IK: variants seen among roughly 807,000 people sequenced by gnomAD.
IK encodes IK cytokine, also known as protein Red.
A neutral mutation model predicts 90.9 loss-of-function variants in IK; 47 were observed. That is an observed-to-expected ratio of 0.52 (90% CI 0.41 to 0.66). The LOEUF (loss-of-function observed/expected upper bound fraction) is 0.66. Among genes scored for constraint, IK ranks in the 30% least tolerant of loss-of-function variants. The pLI is 0.00. For missense variants in IK, 385 were observed against 709.3 expected (o/e 0.54, Z 5.19); for synonymous variants, 201 against 227.5 (o/e 0.88, Z 1.05).
intron 3 of IK, 137 bp from the exon 4 acceptor site, chr5:140,651,951 G>GAT: frequency 2.4e-6 from 2 of 831,900 alleles, no homozygotes; most frequent in East Asian, 5.0e-5. Flanking sequence ...TACAAATATT[G>GAT]GTGTGGATTT....
At chr5:140,656,483 C>T (rs1757711849) in intron 9 of IK, among the ~76,000 whole-genome samples, 2 of 152,208 alleles carry the variant, frequency 1.3e-5, no homozygotes, top group African/African-American at 4.8e-5. Context: ...CTGCGCCAGT[C>T]CTCTGGAGCT....
At chr5:140,648,431 G>T (rs993784776) in intron 1 of IK, 40 bp from the exon 2 acceptor site, 3 of 1,596,646 alleles carry the variant, frequency 1.9e-6, no homozygotes, top group South Asian at 2.2e-5. Context: ...GATCTGACAC[G>T]TAAGAGACTG....
Position 140,661,330 on chromosome 5 carries a change from G to T in IK, c.1414-290G>T. The T allele has an allele frequency of 2.7e-6, 1 of 376,430 alleles. No individual in the cohort carries two copies. Among genetic ancestry groups the T allele is most frequent in the Non-Finnish European group, 4.8e-6 (1 of 207,692 alleles). 23.3% of individuals were successfully genotyped at this position (376,430 alleles called of 1,614,324 possible). ...TACTGTTTATTAGTTTTGTGAACTT[G>T]CCAAGTTCTTTCACTGTTTATGCCT... On this transcript the variant is annotated intron_variant, in intron 16 of 19. Transcript: ENST00000417647. This position sits in a 1 kb window ranked among gnomAD's most constrained non-coding sequence, Gnocchi z 4.2.
Position 140,661,270 on chromosome 5 carries a change from TG to T in IK, c.1414-348del. 1 of 280,768 alleles carries T rather than the reference TG, an allele frequency of 3.6e-6. No homozygotes were observed. The highest frequency in any genetic ancestry group is 6.7e-6 in the Non-Finnish European group (1 of 149,668). 17.4% of individuals were successfully genotyped at this position (280,768 alleles called of 1,614,324 possible). On this transcript the variant is annotated intron_variant, in intron 16 of 19. Coordinates refer to ENST00000417647, the MANE Select transcript of IK (RefSeq NM_006083.4). The surrounding 1 kb of genome is among the most constrained non-coding windows in gnomAD (Gnocchi z 4.2). ...CTGAGTTCACTGTATTGAAATAGCA[TG>T]GTTTAATCTTGGAGCCTTGTTTAAT...
intron 5 of IK, among the ~76,000 whole-genome samples, chr5:140,653,581 C>G (rs1415402688): frequency 1.5e-5 from 1 of 64,806 alleles, no homozygotes; most frequent in Non-Finnish European, 3.1e-5. Flanking sequence ...CCGCACCTGG[C>G]CCCCCAACCC....
intron 1 of IK, 94 bp downstream of exon 1, chr5:140,648,018 G>A: frequency 1.1e-6 from 1 of 907,290 alleles, no homozygotes; most frequent in African/African-American, 1.9e-5. Context: ...GTGTGTGTGT[G>A]TGTGTGTGTG....
At chr5:140,653,249 C>T (rs370649835) in intron 5 of IK, 105 bp downstream of exon 5, 10 of 944,482 alleles carry the variant, frequency 1.1e-5, no homozygotes, top group African/African-American at 5.0e-5. Flanking sequence ...CTACAATAAG[C>T]GATTTCAGAG....
At position 140,659,133 on chromosome 5, in the gene IK, G is replaced by A. The variant is rs1368107787; in HGVS notation, c.1145G>A (p.Ser382Asn). ...AGAGAAGAGGAAAAGAAGAGACACA[G>A]CTACTTTGAGAAGCCAAAAGTAGAT... ...REREEEKKRHSYFEKPKVDDE... is the reference protein window; with the variant it reads ...REREEEKKRHNYFEKPKVDDE... The change falls in exon 12 of 20, where the codon AGC becomes AAC. Residue 382 changes from serine to asparagine, a missense_variant. This residue lies in a region of IK where 139 missense variants were observed against 172.0 expected (regional missense o/e 0.81). Coordinates refer to ENST00000417647, the MANE Select transcript of IK (RefSeq NM_006083.4). 13 of 1,595,170 alleles carry A rather than the reference G, an allele frequency of 8.1e-6. No individual in the cohort carries two copies. Among genetic ancestry groups the A allele is most frequent in the Admixed American group, 3.6e-5 (2 of 55,416 alleles).
chr5:140,648,215 G>A, intron 1 of IK: 1 of 703,950 alleles, frequency 1.4e-6, no homozygotes, highest in East Asian at 2.7e-5. Flanking sequence ...CCTGGGTTGC[G>A]CGTATTTATC....
intron 2 of IK, 139 bp from the exon 3 acceptor site, chr5:140,651,574 TC>T: frequency 1.8e-6 from 1 of 542,434 alleles, no homozygotes; most frequent in Admixed American, 3.4e-5. Flanking sequence ...AGACTCCGTC[TC>T]AAAAAAAAAA....
In IK at chr5:140,661,417, T is replaced by G. The variant is rs1757801532; in HGVS notation, c.1414-203T>G. On this transcript the variant is annotated intron_variant, in intron 16 of 19. Transcript: ENST00000417647. The surrounding 1 kb of genome is among the most constrained non-coding windows in gnomAD (Gnocchi z 4.2). ...TCCCTCTTCATAGATTTTATGAGAA[T>G]TAAGTGAGATATGCATTTAGTGTAC... is the stretch of plus-strand genomic sequence containing the variant. 3 of 543,922 alleles carry G rather than the reference T, an allele frequency of 5.5e-6. No individual in the cohort carries two copies. Among genetic ancestry groups the G allele is most frequent in the Non-Finnish European group, 9.9e-6 (3 of 303,484 alleles). The allele number at this position is 543,922 out of a possible 1,614,324, so 33.7% of individuals were successfully genotyped here. A position where few individuals can be genotyped will look rare whatever the true frequency, so the allele number is the denominator to read the frequency against.
intron 9 of IK, among the ~76,000 whole-genome samples, 191 bp downstream of exon 9, chr5:140,656,183 C>T (rs1415166959): frequency 1.3e-5 from 2 of 152,282 alleles, no homozygotes; most frequent in East Asian, 3.9e-4. Context: ...TAATCATTTG[C>T]TGGAACTATT....
intron 5 of IK, among the ~76,000 whole-genome samples, chr5:140,653,619 T>C (rs1757655255): frequency 6.8e-6 from 1 of 147,750 alleles, no homozygotes; most frequent in African/African-American, 2.5e-5. Context: ...TTTTTTTTTT[T>C]TGGAGACAGA....
chr5:140,661,635 C>T lies in IK; in HGVS notation c.1429C>T (p.Pro477Ser), dbSNP rs1757803820. The change falls in exon 17 of 20, where the codon CCC becomes TCC. Residue 477 changes from proline (P) to serine (S), a missense_variant. Coordinates refer to ENST00000417647, the MANE Select transcript of IK (RefSeq NM_006083.4). The surrounding 1 kb of genome is among the most constrained non-coding windows in gnomAD (Gnocchi z 4.2). ...SKMDQGNKKG[P>S]LGRWDFDTQE... ...CCTGCAACAGGGTAACAAGAAGGGG[C>T]CCTTAGGCCGTTGGGACTTTGATAC... 6.2e-7 allele frequency: 1 copy of T among 1,607,782 alleles called. No individual in the cohort carries two copies. The highest frequency in any genetic ancestry group is 8.5e-7 in the Non-Finnish European group (1 of 1,176,840).
intron 1 of IK, 118 bp downstream of exon 1, chr5:140,648,042 G>GTGTGTGTGTGTGTGTGTGTGTGTGTA: frequency 2.1e-6 from 1 of 471,368 alleles, no homozygotes; most frequent in Non-Finnish European, 3.3e-6. Context: ...GTGTGTGTGT[G>GTGTGTGTGTGTGTGTGTGTGTGTGTA]TGTATGTATG....
chr5:140,654,707 T>C lies in IK; in HGVS notation c.617T>C (p.Ile206Thr), dbSNP rs377695058. 2.5e-6 allele frequency: 4 copies of C among 1,604,160 alleles called. No homozygotes were observed. The highest frequency in any genetic ancestry group is 1.1e-5 in the South Asian group (1 of 89,884). Residue 206 changes from isoleucine to threonine, a missense_variant, in exon 8 of 20, where the codon ATT becomes ACT. Coordinates refer to ENST00000417647, the MANE Select transcript of IK (RefSeq NM_006083.4). ...AAAGATGAGGATCCTGAAAATAAAATTGAATTTAAAACACGTCTGGGTGAG... is the reference window on the plus strand; with the variant it reads ...AAAGATGAGGATCCTGAAAATAAAACTGAATTTAAAACACGTCTGGGTGAG... ...TKKDEDPENK[I>T]EFKTRLGRNV...
chr5:140,655,610 A>G (rs757096183), intron 8 of IK, among the ~76,000 whole-genome samples: 1 of 152,228 alleles, frequency 6.6e-6, no homozygotes, highest in East Asian at 1.9e-4. Context: ...TTGCTCCATT[A>G]CTTAGTAGAT....
intron 2 of IK, among the ~76,000 whole-genome samples, chr5:140,650,228 T>C (rs1376877292): frequency 6.6e-6 from 1 of 152,248 alleles, no homozygotes; most frequent in Non-Finnish European, 1.5e-5. Context: ...TCTATTACAA[T>C]GGTCTTGACT....
At chr5:140,657,757 G>C in intron 10 of IK, 95 bp downstream of exon 10, 1 of 764,682 alleles carries the variant, frequency 1.3e-6, no homozygotes, top group South Asian at 1.7e-5. Context: ...AGAATATTGA[G>C]AGGCTCCTGG....
Sources: gnomAD v4.1 joint callset for allele counts (sites outside exome capture counted in the v4.1 genomes callset) on GRCh38, gnomAD v4.1.1 for gene constraint, gnomAD v4.1.1 regional missense constraint, Gnocchi (gnomAD v3.1) non-coding constraint, MANE v1.5 for transcripts, NCBI Gene and HGNC (gene_info 2026-07-23, HGNC 2026-07-21) for gene names.